Variants in CTPS1 observed in about 807,000 individuals in gnomAD.
CTPS1 encodes the protein CTP synthase 1, also known as CTP synthetase 1.
CTPS1 carries 25 observed loss-of-function variants against 80.5 expected under a neutral mutation model. The ratio of observed to expected loss-of-function variants is 0.31; its 90% CI spans 0.23 to 0.43. CTPS1 has a LOEUF of 0.43. Ranked by LOEUF, CTPS1 falls within the 20% of genes least tolerant of loss-of-function variation. The pLI is 1.00. For missense variants in CTPS1, 442 were observed against 725.7 expected (o/e 0.61, Z 4.49); for synonymous variants, 267 against 252.5 (o/e 1.06, Z -0.54).
At chr1:40,989,086 C>T (rs1250544312) in intron 5 of CTPS1, among the ~76,000 whole-genome samples, 1 of 152,170 alleles carries the variant, frequency 6.6e-6, no homozygotes, top group Non-Finnish European at 1.5e-5. Flanking sequence ...CCTTGAGTGC[C>T]GGATCTTAAG....
Position 40,995,902 on chromosome 1 carries a change from C to T in CTPS1, c.721-15C>T. On this transcript the variant is annotated splice_polypyrimidine_tract_variant and intron_variant, in intron 7 of 18. Transcript: ENST00000650070. Reference sequence around the variant, plus strand: ...GTTTTTGCTTTTATTTAATAACTTGCTTTTTTCTAAACAGGTGATCTGTGT... The same window carrying T: ...GTTTTTGCTTTTATTTAATAACTTGTTTTTTTCTAAACAGGTGATCTGTGT... 6.2e-7 allele frequency: 1 copy of T among 1,604,640 alleles called. No individual in the cohort carries two copies. Among genetic ancestry groups the T allele is most frequent in the Non-Finnish European group, 8.5e-7 (1 of 1,173,954 alleles).
At chr1:40,989,228 G>C (rs994607626) in intron 5 of CTPS1, among the ~76,000 whole-genome samples, 1 of 152,198 alleles carries the variant, frequency 6.6e-6, no homozygotes, top group Non-Finnish European at 1.5e-5. Flanking sequence ...TTTTCCTACA[G>C]TGCACAGTTG....
intron 5 of CTPS1, among the ~76,000 whole-genome samples, chr1:40,990,249 A>T (rs77868911): frequency 3.9e-4 from 60 of 152,202 alleles, no homozygotes; most frequent in African/African-American, 1.4e-3. Flanking sequence ...AAATTTTCTG[A>T]CCCCTTATCT....
chr1:40,995,953 G>C lies in CTPS1; in HGVS notation c.757G>C (p.Val253Leu). 6.2e-7 allele frequency: 1 copy of C among 1,614,156 alleles called. No homozygotes were observed. Among genetic ancestry groups the C allele is most frequent in the Non-Finnish European group, 8.5e-7 (1 of 1,180,016 alleles). The change falls in exon 8 of 19, where the codon GTC (valine) becomes CTC (leucine). Residue 253 changes from valine to leucine, a missense_variant. Val to Leu is a conservative substitution (Grantham distance 32, BLOSUM62 1). This residue lies in a region of CTPS1 where 321 missense variants were observed against 467.2 expected (regional missense o/e 0.69). Coordinates refer to ENST00000650070, the MANE Select transcript of CTPS1 (RefSeq NM_001905.4). ...CVHDVSSIYR[V>L]PLLLEEQGVV... The stretch of plus-strand genomic sequence containing the variant: ...CCACGATGTCTCATCCATCTACCGA[G>C]TCCCCTTGTTGTTAGAGGAGCAAGG...
chr1:40,986,124 G>T (rs998096345), intron 3 of CTPS1, among the ~76,000 whole-genome samples: 10 of 152,256 alleles, frequency 6.6e-5, no homozygotes, highest in African/African-American at 1.7e-4. Flanking sequence ...GGTTACCTGT[G>T]GGGGAGGCAA....
At chr1:40,998,437 C>T (rs565066365) in intron 9 of CTPS1, among the ~76,000 whole-genome samples, 7 of 150,520 alleles carry the variant, frequency 4.7e-5, no homozygotes, top group Admixed American at 1.3e-4. Flanking sequence ...GATGCCTGAG[C>T]CCGGTGACCA....
rs1362663204 is a variant in CTPS1, at chr1:40,991,176, A to C, written c.567A>C (p.Thr189=). The C allele has an allele frequency of 6.3e-7, 1 of 1,585,566 alleles. No homozygotes were observed. Among genetic ancestry groups the C allele is most frequent in the Admixed American group, 2.0e-5 (1 of 50,552 alleles). Reference sequence around the variant, plus strand: ...CTTTTGTGAAATAGCCAAGTTCAACAGGGGAACAGAAGACTAAACCTACCC... The same window carrying C: ...CTTTTGTGAAATAGCCAAGTTCAACCGGGGAACAGAAGACTAAACCTACCC... ...HVSLVPQPSS[T]GEQKTKPTQN... is the part of the protein sequence containing the mutation. Residue 189 remains threonine, a synonymous_variant, in exon 6 of 19, where the codon ACA becomes ACC. Coordinates refer to ENST00000650070, the MANE Select transcript of CTPS1 (RefSeq NM_001905.4).
At position 41,008,801 on chromosome 1, in the gene CTPS1, C is replaced by G; in HGVS notation, c.1457C>G (p.Pro486Arg). 1 of 1,614,084 alleles carries G rather than the reference C, an allele frequency of 6.2e-7. No individual in the cohort carries two copies. Among genetic ancestry groups the G allele is most frequent in the Non-Finnish European group, 8.5e-7 (1 of 1,179,982 alleles). Residue 486 changes from proline to arginine, a missense_variant, in exon 16 of 19, where the codon CCA (proline) becomes CGA (arginine). Pro to Arg is a moderately radical substitution (Grantham distance 103). This residue lies in a region of CTPS1 where 321 missense variants were observed against 467.2 expected (regional missense o/e 0.69). Coordinates refer to ENST00000650070, the MANE Select transcript of CTPS1 (RefSeq NM_001905.4). The stretch of plus-strand genomic sequence containing the variant: ...TTTTTCATGCCTCAACAGGTGAATC[C>G]AGTCTGGAAAAAGTGTTTGGAAGAA... ...ERHRHRFEVN[P>R]VWKKCLEEQG...
intron 10 of CTPS1, 49 bp from the exon 11 acceptor site, chr1:41,002,111 G>T: frequency 6.5e-7 from 1 of 1,546,942 alleles, no homozygotes; most frequent in Non-Finnish European, 8.9e-7. Flanking sequence ...ATTGCAAGTT[G>T]GACTGGTAGA....
At chr1:41,002,806 A>G (rs1642934744) in intron 11 of CTPS1, among the ~76,000 whole-genome samples, 1 of 152,164 alleles carries the variant, frequency 6.6e-6, no homozygotes, top group Non-Finnish European at 1.5e-5. Flanking sequence ...AGATCTCTCC[A>G]CTGCACTCCA....
At chr1:41,010,446 C>G (rs1643143960) in intron 18 of CTPS1, among the ~76,000 whole-genome samples, 192 bp downstream of exon 18, 1 of 152,254 alleles carries the variant, frequency 6.6e-6, no homozygotes, top group Non-Finnish European at 1.5e-5. Flanking sequence ...AATGGGCAGC[C>G]CTTCCTCCAA....
At chr1:40,981,081 G>A (rs1396250114) in intron 1 of CTPS1, 1 of 152,164 alleles carries the variant, frequency 6.6e-6, no homozygotes, top group African/African-American at 2.4e-5. Context: ...CCCCTTTATA[G>A]TCTAAACATG....
chr1:41,011,462 G>A (rs574278193), intron 18 of CTPS1, among the ~76,000 whole-genome samples, 196 bp from the exon 19 acceptor site: 1 of 152,308 alleles, frequency 6.6e-6, no homozygotes, highest in African/African-American at 2.4e-5. Flanking sequence ...GGTTGTAGAA[G>A]TCGATGTGTG....
rs887148846 is a variant in CTPS1, at chr1:41,012,373, C to G, written c.*725C>G. The G allele has an allele frequency of 2.6e-5, 4 of 152,150 alleles. No individual in the cohort carries two copies. The highest frequency in any genetic ancestry group is 5.9e-5 in the Non-Finnish European group (4 of 68,032). 9.4% of individuals were successfully genotyped at this position (152,150 alleles called of 1,614,324 possible). ...TTTGGGGGAAACTTCCTCTAAAACC[C>G]TCTCATATATAGACAGCTTTGACTG... On this transcript the variant is annotated 3_prime_UTR_variant, in exon 19 of 19. Transcript: ENST00000650070.
chr1:41,011,247 G>A (rs544550912), intron 18 of CTPS1, among the ~76,000 whole-genome samples: 1 of 152,188 alleles, frequency 6.6e-6, no homozygotes, highest in African/African-American at 2.4e-5. Context: ...CGTTTAACAC[G>A]GATGGACTCA....
rs1394650226 is a variant in CTPS1 at position 40,988,704 on chromosome 1, T to G, written c.549T>G (p.Val183=). The G allele has an allele frequency of 1.2e-6, 2 of 1,607,752 alleles. No homozygotes were observed. The highest frequency in any genetic ancestry group is 2.7e-5 in the African/African-American group (2 of 74,906). ...ENFCNIHVSL[V]PQPSSTGEQK... ...TTTGTAACATCCACGTCAGTCTAGT[T>G]CCCCAGGTAAGTAAGACATTGAAAG... Residue 183 remains valine (V), a synonymous_variant, in exon 5 of 19, where the codon GTT becomes GTG. Coordinates refer to ENST00000650070, the MANE Select transcript of CTPS1 (RefSeq NM_001905.4).
At chr1:40,981,917 G>C (rs1642316804) in intron 1 of CTPS1, 1 of 1,191,580 alleles carries the variant, frequency 8.4e-7, no homozygotes, top group African/African-American at 1.6e-5. Context: ...TAGTTTTCTT[G>C]TTCCTTAGTT....
chr1:40,989,064 C>A (rs765284545), intron 5 of CTPS1, among the ~76,000 whole-genome samples: 1 of 152,128 alleles, frequency 6.6e-6, no homozygotes, highest in Non-Finnish European at 1.5e-5. Context: ...TGCATAGAAC[C>A]GACTAAGCTG....
intron 10 of CTPS1, 89 bp downstream of exon 10, chr1:41,001,206 G>A: frequency 1.2e-6 from 1 of 831,944 alleles, no homozygotes; most frequent in Non-Finnish European, 1.9e-6. Flanking sequence ...CCAGTAGTAG[G>A]TAATTGACTT....
Sources: gnomAD v4.1 joint callset for allele counts (sites outside exome capture counted in the v4.1 genomes callset) on GRCh38, gnomAD v4.1.1 for gene constraint, gnomAD v4.1.1 regional missense constraint, MANE v1.5 for transcripts, NCBI Gene and HGNC (gene_info 2026-07-23, HGNC 2026-07-21) for gene names.